The following KANSL1 variants were observed in gnomAD, a reference collection of about 807,000 sequenced individuals.
KANSL1 encodes KAT8 regulatory NSL complex subunit 1.
A neutral mutation model predicts 103.6 loss-of-function variants in KANSL1; 22 were observed. The observed-to-expected ratio is 0.21, with a 90% CI of 0.15 to 0.30. KANSL1 has a LOEUF of 0.30. Ranked by LOEUF, KANSL1 falls within the 10% of genes least tolerant of loss-of-function variation. The pLI is 1.00. For missense variants in KANSL1, 1,337 were observed against 1,399.8 expected (o/e 0.96, Z 0.72); for synonymous variants, 600 against 527.6 (o/e 1.14, Z -1.88).
chr17:46,047,927 G>T, intron 7 of KANSL1, among the ~76,000 whole-genome samples: 1 of 145,834 alleles, frequency 6.9e-6, no homozygotes, highest in Admixed American at 6.8e-5. Context: ...CCGCCACCAA[G>T]ACAGGGTCTC....
chr17:46,070,403 T>C (rs1480455676), intron 4 of KANSL1, among the ~76,000 whole-genome samples: 1 of 152,178 alleles, frequency 6.6e-6, no homozygotes, highest in Admixed American at 6.5e-5. Flanking sequence ...GTAAAACTAT[T>C]CTGAAATTTT....
chr17:46,204,439 T>C (rs1234598182), intron 1 of KANSL1, among the ~76,000 whole-genome samples: 1 of 152,228 alleles, frequency 6.6e-6, no homozygotes. Context: ...CACTCCAGCC[T>C]GGGTAACAGA....
chr17:46,219,121 G>A (rs1166005355), intron 1 of KANSL1, among the ~76,000 whole-genome samples: 2 of 151,818 alleles, frequency 1.3e-5, no homozygotes, highest in Admixed American at 6.6e-5. Flanking sequence ...AAAATTAGCT[G>A]GCCATGGTGA....
chr17:46,196,695 C>G (rs1306874694), upstream of KANSL1: 1 of 259,990 alleles, frequency 3.8e-6, no homozygotes, highest in African/African-American at 2.3e-5. Context: ...AGTTAGGTTC[C>G]TTATATAATA....
intron 2 of KANSL1, among the ~76,000 whole-genome samples, chr17:46,140,271 T>C (rs2044354086): frequency 6.6e-6 from 1 of 152,126 alleles, no homozygotes; most frequent in South Asian, 2.1e-4. Context: ...ACAACTAAAT[T>C]TACATTGTAA....
chr17:46,112,725 T>A (rs2042874208), intron 2 of KANSL1, among the ~76,000 whole-genome samples: 2 of 95,816 alleles, frequency 2.1e-5, no homozygotes, highest in Middle Eastern at 5.7e-3. Context: ...GGCAGATAAA[T>A]TTTTTTTTTT....
At chr17:46,050,852 G>A (rs1436269169) in intron 6 of KANSL1, 148 bp from the exon 7 acceptor site, 2 of 612,278 alleles carry the variant, frequency 3.3e-6, no homozygotes, top group Non-Finnish European at 2.8e-6. Context: ...CTACTAAAAG[G>A]ATGTTTGATT....
intron 2 of KANSL1, among the ~76,000 whole-genome samples, chr17:46,135,057 G>C (rs2044058008): frequency 6.6e-6 from 1 of 152,076 alleles, no homozygotes; most frequent in Non-Finnish European, 1.5e-5. Flanking sequence ...AGTCTCTTCT[G>C]GAAGTCGGTA....
At position 46,082,622 on chromosome 17, in the gene KANSL1, G is replaced by A. The variant is rs17576200; in HGVS notation, c.1432-80C>T. 0.16 allele frequency: 116,507 copies of A among 745,082 alleles called. 11,554 individuals are homozygous for A. The highest frequency in any genetic ancestry group is 0.21 in the Middle Eastern group (837 of 4,046). The allele number at this position is 745,082 out of a possible 1,614,324, so 46.2% of individuals were successfully genotyped here. On this transcript the variant is annotated intron_variant, in intron 3 of 14. Coordinates refer to ENST00000432791, the MANE Select transcript of KANSL1 (RefSeq NM_015443.4). ...TAATTTAGGAGTTAAGTCTCAAAAGGACTGTTGGTGTACTAGAGGCCCCCT... is the reference window on the plus strand; with the variant it reads ...TAATTTAGGAGTTAAGTCTCAAAAGAACTGTTGGTGTACTAGAGGCCCCCT...
At chr17:46,120,681 T>A (rs1038127660) in intron 2 of KANSL1, among the ~76,000 whole-genome samples, 1 of 152,138 alleles carries the variant, frequency 6.6e-6, no homozygotes, top group Non-Finnish European at 1.5e-5. Flanking sequence ...GACAGCAGAG[T>A]ACCCATATAC....
In KANSL1 at chr17:46,039,169, G is replaced by A; in HGVS notation, c.2250C>T (p.His750=). 1 of 1,607,332 alleles carries A rather than the reference G, an allele frequency of 6.2e-7. No individual in the cohort carries two copies. The change falls in exon 9 of 15, where the codon CAC becomes CAT. Residue 750 remains histidine (H), a synonymous_variant. Coordinates refer to ENST00000432791, the MANE Select transcript of KANSL1 (RefSeq NM_015443.4). ...TGGGCACGGCCCCCACATCGTCTAA[G>A]TGCTGCCTGTGGGTCCTGTCAGGCC... ...QTRPDRTHRQ[H]LDDVGAVPMV...
At chr17:46,090,199 C>T (rs942769031) in intron 3 of KANSL1, among the ~76,000 whole-genome samples, 1 of 152,204 alleles carries the variant, frequency 6.6e-6, no homozygotes, top group Non-Finnish European at 1.5e-5. Flanking sequence ...CAAGGACTAG[C>T]ACAATATCAG....
intron 2 of KANSL1, among the ~76,000 whole-genome samples, chr17:46,166,267 T>C (rs2045995253): frequency 6.7e-6 from 1 of 149,882 alleles, no homozygotes; most frequent in South Asian, 2.1e-4. Flanking sequence ...ATCCCAGCAC[T>C]GTGGGAGGCC....
At chr17:46,126,068 C>G (rs1470149618) in intron 2 of KANSL1, among the ~76,000 whole-genome samples, 1 of 152,190 alleles carries the variant, frequency 6.6e-6, no homozygotes, top group Non-Finnish European at 1.5e-5. Flanking sequence ...CAACAGTCTG[C>G]ATTCTTAAAT....
chr17:46,039,957 T>C lies in KANSL1; in HGVS notation c.2021-73A>G, dbSNP rs999366564. ...TCTAGTGTTCAAGACCTACACTCCA[T>C]CCTCCTTTAATTTGCCCAGTGGCCT... On this transcript the variant is annotated intron_variant, in intron 7 of 14. Transcript: ENST00000432791. 1.6e-5 allele frequency: 23 copies of C among 1,401,926 alleles called. No individual in the cohort carries two copies. The Middle Eastern group carries it at 5.4e-4, about 33-fold the overall frequency. The allele number at this position is 1,401,926 out of a possible 1,614,324, so 86.8% of individuals were successfully genotyped here.
intron 2 of KANSL1, among the ~76,000 whole-genome samples, chr17:46,116,101 G>A (rs942124544): frequency 4.6e-5 from 7 of 152,178 alleles, no homozygotes; most frequent in African/African-American, 1.2e-4. Context: ...AAAAACTTAC[G>A]ACAGAGTGAA....
At chr17:46,125,941 T>C (rs2043535175) in intron 2 of KANSL1, among the ~76,000 whole-genome samples, 1 of 152,210 alleles carries the variant, frequency 6.6e-6, no homozygotes, top group Non-Finnish European at 1.5e-5. Context: ...AATCTTTATA[T>C]GAACTCAATA....
intron 1 of KANSL1, among the ~76,000 whole-genome samples, chr17:46,186,058 C>G (rs2047016910): frequency 6.6e-6 from 1 of 152,014 alleles, no homozygotes. Flanking sequence ...ATCCTAAAAT[C>G]AGCGACTTCT....
At chr17:46,148,071 C>T (rs1283173984) in intron 2 of KANSL1, 1 of 152,040 alleles carries the variant, frequency 6.6e-6, no homozygotes, top group African/African-American at 2.4e-5. Context: ...ACTTTAAAGG[C>T]GATGGTTTAT....
Sources: allele counts gnomAD v4.1 joint callset (sites outside exome capture counted in the v4.1 genomes callset), GRCh38; gene constraint gnomAD v4.1.1; transcripts MANE v1.5; gene names NCBI Gene and HGNC (gene_info 2026-07-23, HGNC 2026-07-21).